ATXN10: variants seen among roughly 807,000 people sequenced by gnomAD.
ATXN10 encodes ataxin-10.
ATXN10 carries 28 observed loss-of-function variants against 52.9 expected under a neutral mutation model. That is an observed-to-expected ratio of 0.53 (90% CI 0.39 to 0.73). The LOEUF is 0.73. ATXN10 is among the 30% of genes least tolerant of loss of function. The pLI, the probability that ATXN10 is intolerant of heterozygous loss-of-function variation, is 0.00. For missense variants in ATXN10, 565 were observed against 577.0 expected, an observed-to-expected ratio of 0.98 and a Z score of 0.21; for synonymous variants, 226 against 221.5, an observed-to-expected ratio of 1.02 and a Z score of -0.18.
intron 3 of ATXN10, among the ~76,000 whole-genome samples, chr22:45,694,778 G>A (rs1923524416): frequency 6.8e-6 from 1 of 148,078 alleles, no homozygotes; most frequent in African/African-American, 2.5e-5. Flanking sequence ...GTGAAATTCT[G>A]TCTCGAAAAA....
At position 45,820,750 on chromosome 22, in the gene ATXN10, C is replaced by T. The variant is rs1928619045; in HGVS notation, c.1237+13728C>T. Among the ~76,000 whole-genome samples, 1 of 152,200 alleles carries T rather than the reference C, an allele frequency of 6.6e-6. No individual in the cohort carries two copies. The highest frequency in any genetic ancestry group is 1.5e-5 in the Non-Finnish European group (1 of 68,036). ...GCATTGCCAGGGTGGTTTGCTTACC[C>T]CGGCCATCCCAACAATGGTGGTTGG... is the stretch of plus-strand genomic sequence containing the variant. On this transcript the variant is annotated intron_variant, in intron 10 of 11. Coordinates refer to ENST00000252934, the MANE Select transcript of ATXN10 (RefSeq NM_013236.4). The surrounding 1 kb of genome is among the most constrained non-coding windows in gnomAD (Gnocchi z 4.9).
intron 10 of ATXN10, among the ~76,000 whole-genome samples, chr22:45,834,497 G>A (rs1034650563): frequency 6.6e-6 from 1 of 152,180 alleles, no homozygotes; most frequent in African/African-American, 2.4e-5. Flanking sequence ...TACTTTAGAA[G>A]TTTATTGTCC....
At chr22:45,738,007 C>G (rs1462420171) in intron 7 of ATXN10, among the ~76,000 whole-genome samples, 3 of 152,066 alleles carry the variant, frequency 2.0e-5, no homozygotes, top group African/African-American at 7.2e-5. Context: ...ATAATCTCTG[C>G]CACATTTTGT....
Position 45,751,763 on chromosome 22 carries a change from A to AAAAAAATAATAATAATAAT in ATXN10, c.1173+11227_1173+11228insAAAATAATAATAATAATAA. ...TGGAAAAAAAAAAAAAATAAAAAAA[A>AAAAAAATAATAATAATAAT]AATAATAATAATAATAATAATAATA... On this transcript the variant is annotated intron_variant, in intron 9 of 11. Coordinates refer to ENST00000252934, the MANE Select transcript of ATXN10 (RefSeq NM_013236.4). Among the ~76,000 whole-genome samples, 13 of 66,632 alleles carry AAAAAAATAATAATAATAAT rather than the reference A, an allele frequency of 2.0e-4. 1 individual carries two copies. The highest frequency in any genetic ancestry group is 3.5e-4 in the Non-Finnish European group (12 of 34,036). 43.7% of individuals were successfully genotyped at this position (66,632 alleles called of 152,430 possible).
rs1923332086 is a variant in ATXN10 at position 45,690,589 on chromosome 22, A to C, written c.308+686A>C. Among the ~76,000 whole-genome samples the C allele has an allele frequency of 2.0e-5, 3 of 152,196 alleles. No individual in the cohort carries two copies. The South Asian group carries it at 6.2e-4, about 31-fold the overall frequency. ...GGTTGTAAATGTTTTAATTACTTTT[A>C]ATGTTTTAATTTGTTACTCTTGTGT... On this transcript the variant is annotated intron_variant, in intron 2 of 11. Coordinates refer to ENST00000252934, the MANE Select transcript of ATXN10 (RefSeq NM_013236.4). The surrounding 1 kb of genome is among the most constrained non-coding windows in gnomAD (Gnocchi z 4.5).
chr22:45,707,856 G>A (rs749061758), intron 5 of ATXN10, among the ~76,000 whole-genome samples: 4 of 152,032 alleles, frequency 2.6e-5, no homozygotes, highest in South Asian at 2.1e-4. Flanking sequence ...GGCTTCTGAC[G>A]AAATTGTTGT....
chr22:45,838,936 C>T (rs1385402234), intron 10 of ATXN10, among the ~76,000 whole-genome samples: 2 of 152,224 alleles, frequency 1.3e-5, no homozygotes, highest in East Asian at 3.8e-4. Flanking sequence ...ATTTGATTTA[C>T]AGATAGACAA....
chr22:45,730,503 G>C (rs1474087464), intron 7 of ATXN10, among the ~76,000 whole-genome samples: 1 of 152,162 alleles, frequency 6.6e-6, no homozygotes, highest in Non-Finnish European at 1.5e-5. Context: ...GCACAATCTT[G>C]ACTCACTGCA....
At chr22:45,692,919 A>T (rs957019081) in intron 2 of ATXN10, 77 bp from the exon 3 acceptor site, 21 of 1,184,412 alleles carry the variant, frequency 1.8e-5, no homozygotes, top group Middle Eastern at 1.9e-4. Context: ...CAGCTCTCCC[A>T]TTGTAGTGCA....
intron 9 of ATXN10, among the ~76,000 whole-genome samples, chr22:45,797,652 A>G (rs553070268): frequency 5.3e-5 from 8 of 152,350 alleles, no homozygotes; most frequent in African/African-American, 1.7e-4. Context: ...CCAAGAGTAG[A>G]TTAAACCAAT....
At position 45,795,424 on chromosome 22, in the gene ATXN10, T is replaced by TATTCTATTCTATTCTTTTCTATTC. The variant is rs1555896219; in HGVS notation, c.1174-11535_1174-11534insATTCTATTCTATTCTTTTCTATTC. Among the ~76,000 whole-genome samples the TATTCTATTCTATTCTTTTCTATTC allele has an allele frequency of 6.8e-6, 1 of 147,458 alleles. No individual in the cohort carries two copies. Among genetic ancestry groups the TATTCTATTCTATTCTTTTCTATTC allele is most frequent in the Non-Finnish European group, 1.5e-5 (1 of 67,194 alleles). On this transcript the variant is annotated intron_variant, in intron 9 of 11. Transcript: ENST00000252934. The surrounding 1 kb of genome is among the most constrained non-coding windows in gnomAD (Gnocchi z 4.6). ...TATTCTATTCTATTCTATTCTATTC[T>TATTCTATTCTATTCTTTTCTATTC]TTTTGAGATGAAGTCTCTCTATGTT...
At chr22:45,831,203 G>A (rs1156514290) in intron 10 of ATXN10, among the ~76,000 whole-genome samples, 2 of 152,150 alleles carry the variant, frequency 1.3e-5, no homozygotes, top group African/African-American at 2.4e-5. Context: ...GGGGAGAGAA[G>A]AAAGGGAATT....
intron 6 of ATXN10, among the ~76,000 whole-genome samples, chr22:45,725,743 A>G (rs970804124): frequency 1.3e-5 from 2 of 152,066 alleles, no homozygotes; most frequent in Admixed American, 1.3e-4. Flanking sequence ...GTCTTGTTCC[A>G]GTTCTTAGGG....
intron 9 of ATXN10, among the ~76,000 whole-genome samples, chr22:45,803,910 G>A (rs887431953): frequency 1.3e-5 from 2 of 151,988 alleles, no homozygotes; most frequent in African/African-American, 2.4e-5. Context: ...CCCCCTCCAA[G>A]ACCCACTCTC....
At chr22:45,807,101 T>C in intron 10 of ATXN10, 79 bp downstream of exon 10, 1 of 1,154,762 alleles carries the variant, frequency 8.7e-7, no homozygotes, top group Non-Finnish European at 1.3e-6. Flanking sequence ...CTCATGTTCA[T>C]TCAGTATGTA....
At chr22:45,738,548 A>G (rs1024808148) in intron 7 of ATXN10, 183 bp from the exon 8 acceptor site, 6 of 568,900 alleles carry the variant, frequency 1.1e-5, no homozygotes, top group Non-Finnish European at 1.5e-5. Context: ...AGTGAAAATG[A>G]TGAGTCGTGT....
intron 9 of ATXN10, among the ~76,000 whole-genome samples, chr22:45,751,455 A>G (rs1041592340): frequency 2.7e-5 from 4 of 150,140 alleles, no homozygotes; most frequent in Admixed American, 2.0e-4. Flanking sequence ...AGAGAGGAAG[A>G]GACAGACAGA....
chr22:45,744,069 C>T lies in ATXN10; in HGVS notation c.1173+3531C>T, dbSNP rs1925639164. On this transcript the variant is annotated intron_variant, in intron 9 of 11. Coordinates refer to ENST00000252934, the MANE Select transcript of ATXN10 (RefSeq NM_013236.4). This position sits in a 1 kb window ranked among gnomAD's most constrained non-coding sequence, Gnocchi z 4.9. ...GGGAGCTCTTGGGGGTCCTCTTATC[C>T]TTGTTTCTGATTCACCCATTCATCA... is the stretch of plus-strand genomic sequence containing the variant. Among the ~76,000 whole-genome samples the T allele has an allele frequency of 6.6e-6, 1 of 152,182 alleles. No individual in the cohort carries two copies. Among genetic ancestry groups the T allele is most frequent in the Non-Finnish European group, 1.5e-5 (1 of 68,028 alleles).
In ATXN10 at chr22:45,702,685, G is replaced by A. The variant is rs1416606568; in HGVS notation, c.489-4G>A. 6.2e-7 allele frequency: 1 copy of A among 1,613,676 alleles called. No individual in the cohort carries two copies. The highest frequency in any genetic ancestry group is 8.5e-7 in the Non-Finnish European group (1 of 1,179,826). ...GCTAACAATCTCATTTCCTTGTTTG[G>A]AAGGTCTTGCTTAAATCATCCGGAC... On this transcript the variant is annotated splice_polypyrimidine_tract_variant and splice_region_variant and intron_variant, in intron 4 of 11. Coordinates refer to ENST00000252934, the MANE Select transcript of ATXN10 (RefSeq NM_013236.4).
Sources: gnomAD v4.1 joint callset for allele counts (sites outside exome capture counted in the v4.1 genomes callset) on GRCh38, gnomAD v4.1.1 for gene constraint, Gnocchi (gnomAD v3.1) non-coding constraint, MANE v1.5 for transcripts, NCBI Gene and HGNC (gene_info 2026-07-23, HGNC 2026-07-21) for gene names.